The following PREX1 variants were observed in gnomAD, a reference collection of about 807,000 sequenced individuals.
PREX1 encodes the protein phosphatidylinositol 3,4,5-trisphosphate-dependent Rac exchanger 1 protein.
A neutral mutation model predicts 198.3 loss-of-function variants in PREX1; 41 were observed. The ratio of observed to expected loss-of-function variants is 0.21; its 90% CI spans 0.16 to 0.27. The LOEUF (loss-of-function observed/expected upper bound fraction) is 0.27. PREX1 is among the 10% of genes least tolerant of loss of function. The pLI is 1.00. For missense variants in PREX1, 1,620 were observed against 2,200.7 expected, an observed-to-expected ratio of 0.74 and a Z score of 5.28; for synonymous variants, 843 against 887.2, an observed-to-expected ratio of 0.95 and a Z score of 0.89.
rs2123045828 is a variant in PREX1 at position 48,691,193 on chromosome 20, C to T, written c.1037-97G>A. The T allele has an allele frequency of 1.3e-6, 2 of 1,493,476 alleles. No homozygotes were observed. The highest frequency in any genetic ancestry group is 4.6e-5 in the East Asian group (2 of 43,720). The allele number at this position is 1,493,476 out of a possible 1,614,324, so 92.5% of individuals were successfully genotyped here. Reference sequence around the variant, plus strand: ...CCCTTCCGCCCCAGCACAGGCAGGGCCCTCGCCTGGATCAGGATGGGGAGC... The same window carrying T: ...CCCTTCCGCCCCAGCACAGGCAGGGTCCTCGCCTGGATCAGGATGGGGAGC... On this transcript the variant is annotated intron_variant, in intron 8 of 39. Transcript: ENST00000371941. The surrounding 1 kb of genome is among the most constrained non-coding windows in gnomAD (Gnocchi z 5.0).
At chr20:48,654,544 C>A (rs2089527861) in intron 19 of PREX1, among the ~76,000 whole-genome samples, 1 of 152,240 alleles carries the variant, frequency 6.6e-6, no homozygotes, top group Non-Finnish European at 1.5e-5. Flanking sequence ...TGTCTCCGGG[C>A]AGGGCCGATG....
At chr20:48,704,846 G>A (rs537654341) in intron 6 of PREX1, among the ~76,000 whole-genome samples, 6 of 152,216 alleles carry the variant, frequency 3.9e-5, no homozygotes, top group South Asian at 2.1e-4. Flanking sequence ...GTGAGCCACC[G>A]CGCCAGGCTT....
intron 1 of PREX1, among the ~76,000 whole-genome samples, chr20:48,750,078 T>TA (rs1418416899): frequency 6.6e-6 from 1 of 152,112 alleles, no homozygotes; most frequent in African/African-American, 2.4e-5. Context: ...CTTCCCCACT[T>TA]AATGGCACCT....
chr20:48,822,290 CA>C (rs1177718013), intron 1 of PREX1, among the ~76,000 whole-genome samples: 1 of 152,180 alleles, frequency 6.6e-6, no homozygotes, highest in Non-Finnish European at 1.5e-5. Flanking sequence ...AGAGGTCTCA[CA>C]GGGGCAGTAA....
chr20:48,739,929 T>TAAGGCACAGAGAACAGAAC (rs1216112288), intron 3 of PREX1, among the ~76,000 whole-genome samples: 2 of 152,184 alleles, frequency 1.3e-5, no homozygotes, highest in Admixed American at 1.3e-4. Flanking sequence ...TGCATATCTG[T>TAAGGCACAGAGAACAGAAC]AAGGCACAGA....
intron 14 of PREX1, among the ~76,000 whole-genome samples, chr20:48,669,666 G>C (rs753010673): frequency 3.3e-5 from 5 of 152,044 alleles, no homozygotes; most frequent in Non-Finnish European, 5.9e-5. Context: ...CTCGGTCTCT[G>C]TCTATAGTGG....
the PREX1 span, among the ~76,000 whole-genome samples, chr20:48,868,036 T>C: frequency 2.8e-3 from 432 of 152,272 alleles, 2 homozygotes; most frequent in African/African-American, 0.01. Context: ...TACAGTTTAG[T>C]AGTGTTCAGT....
the PREX1 span, among the ~76,000 whole-genome samples, chr20:48,874,412 T>C: frequency 7.3e-6 from 1 of 137,144 alleles, no homozygotes; most frequent in Non-Finnish European, 1.7e-5. Flanking sequence ...TGTGTGTGTG[T>C]GTGTGTGTAG....
At chr20:48,652,337 C>T (rs559599749) in intron 21 of PREX1, among the ~76,000 whole-genome samples, 5 of 151,862 alleles carry the variant, frequency 3.3e-5, no homozygotes, top group Non-Finnish European at 7.4e-5. Flanking sequence ...CTGGCTACTC[C>T]GGAGGCTGAG....
chr20:48,779,013 A>G (rs924917822), intron 1 of PREX1, among the ~76,000 whole-genome samples: 69 of 152,266 alleles, frequency 4.5e-4, no homozygotes, highest in African/African-American at 1.6e-3. Flanking sequence ...GGGATAAATT[A>G]GAACAAAAAT....
At chr20:48,697,305 G>C (rs1323585789) in intron 7 of PREX1, among the ~76,000 whole-genome samples, 7 of 152,050 alleles carry the variant, frequency 4.6e-5, no homozygotes, top group African/African-American at 1.7e-4. Flanking sequence ...GGTAGGAAAA[G>C]ACAGGCGCAA....
At chr20:48,824,132 G>A (rs947131685) in intron 1 of PREX1, among the ~76,000 whole-genome samples, 3 of 152,178 alleles carry the variant, frequency 2.0e-5, no homozygotes, top group African/African-American at 7.2e-5. Context: ...AAGGTTCTGA[G>A]TCAAAACCCC....
chr20:48,780,679 A>G (rs1467019972), intron 1 of PREX1, among the ~76,000 whole-genome samples: 2 of 152,198 alleles, frequency 1.3e-5, no homozygotes, highest in East Asian at 3.8e-4. Flanking sequence ...TTAGTTAATA[A>G]AAGTAGGAGG....
At chr20:48,758,247 G>A (rs1034014350) in intron 1 of PREX1, among the ~76,000 whole-genome samples, 47 of 152,182 alleles carry the variant, frequency 3.1e-4, no homozygotes, top group Non-Finnish European at 4.0e-4. Context: ...GGAGGCCAGG[G>A]AGTCTGTACA....
At chr20:48,853,466 A>T in the PREX1 span, among the ~76,000 whole-genome samples, 11 of 152,294 alleles carry the variant, frequency 7.2e-5, no homozygotes, top group South Asian at 2.3e-3. Flanking sequence ...CAACCATCAG[A>T]TCTCAGAAGA....
intron 1 of PREX1, among the ~76,000 whole-genome samples, chr20:48,773,912 C>T (rs536916276): frequency 7.9e-5 from 12 of 152,140 alleles, no homozygotes; most frequent in African/African-American, 1.2e-4. Context: ...ATCGTCCAGG[C>T]GGGAGGTGAT....
chr20:48,841,860 A>C, the PREX1 span, among the ~76,000 whole-genome samples: 446 of 152,304 alleles, frequency 2.9e-3, no homozygotes, highest in Middle Eastern at 0.014. Context: ...TTAGGGGCTC[A>C]GTTTCTGAAT....
intron 1 of PREX1, among the ~76,000 whole-genome samples, chr20:48,774,355 G>A (rs949061731): frequency 1.3e-5 from 2 of 152,246 alleles, no homozygotes; most frequent in African/African-American, 4.8e-5. Flanking sequence ...GGGAGGGGTT[G>A]AAAGCTGCTA....
chr20:48,720,412 C>T (rs1175454526), intron 5 of PREX1, among the ~76,000 whole-genome samples: 8 of 152,190 alleles, frequency 5.3e-5, no homozygotes, highest in Non-Finnish European at 2.9e-5. Flanking sequence ...GCACCTCAAG[C>T]AGTGCCTGAC....
Sources: gnomAD v4.1 joint callset for allele counts (sites outside exome capture counted in the v4.1 genomes callset) on GRCh38, gnomAD v4.1.1 for gene constraint, Gnocchi (gnomAD v3.1) non-coding constraint, MANE v1.5 for transcripts, NCBI Gene and HGNC (gene_info 2026-07-23, HGNC 2026-07-21) for gene names.